Variants in PTPRD observed in about 807,000 individuals in gnomAD.
The protein encoded by PTPRD is protein tyrosine phosphatase receptor type D.
PTPRD carries 34 observed loss-of-function variants against 214.5 expected under a neutral mutation model. The observed-to-expected ratio is 0.16, with a 90% CI of 0.12 to 0.21. PTPRD has a LOEUF of 0.21. Ranked by LOEUF, PTPRD falls within the 10% of genes least tolerant of loss-of-function variation. The pLI is 1.00. For synonymous variants in PTPRD, 1,128 were observed against 845.7 expected (o/e 1.33, Z -5.79); for missense variants, 2,545 against 2,398.7 (o/e 1.06, Z -1.27).
intron 2 of PTPRD, among the ~76,000 whole-genome samples, chr9:10,507,313 G>T (rs989391563): frequency 7.9e-5 from 12 of 151,998 alleles, no homozygotes; most frequent in Non-Finnish European, 1.3e-4. Flanking sequence ...CAAAACAAAT[G>T]GAAGAACATT....
chr9:8,322,745 A>T (rs1829685641), intron 44 of PTPRD, among the ~76,000 whole-genome samples: 2 of 152,156 alleles, frequency 1.3e-5, no homozygotes, highest in South Asian at 4.1e-4. Context: ...TAAAAAAGAG[A>T]TCTTCAATGT....
intron 26 of PTPRD, 128 bp from the exon 27 acceptor site, chr9:8,493,107 A>T: frequency 1.4e-6 from 1 of 726,748 alleles, no homozygotes; most frequent in South Asian, 1.8e-5. Flanking sequence ...AGCCCTGGAA[A>T]TTTCATGCCT....
At chr9:8,688,190 C>A (rs981574251) in intron 12 of PTPRD, among the ~76,000 whole-genome samples, 4 of 152,050 alleles carry the variant, frequency 2.6e-5, no homozygotes, top group African/African-American at 9.7e-5. Flanking sequence ...CCTTCTTATC[C>A]TTCTCATTTC....
chr9:9,748,017 C>T (rs2098475775), intron 6 of PTPRD, among the ~76,000 whole-genome samples: 1 of 152,078 alleles, frequency 6.6e-6, no homozygotes, highest in Admixed American at 6.6e-5. Flanking sequence ...ACGTGGAGAT[C>T]ACAGCTCTTG....
At chr9:10,423,753 C>T (rs924390543) in intron 2 of PTPRD, among the ~76,000 whole-genome samples, 1 of 151,926 alleles carries the variant, frequency 6.6e-6, no homozygotes, top group African/African-American at 2.4e-5. Context: ...TAAGTTTACT[C>T]ATACCGGAAA....
intron 2 of PTPRD, among the ~76,000 whole-genome samples, chr9:10,575,113 G>T (rs114259718): frequency 0.015 from 2,256 of 151,880 alleles, 56 homozygotes; most frequent in African/African-American, 0.051. Flanking sequence ...GAAATCACTG[G>T]CTATTTTCAC....
At chr9:9,096,437 A>C (rs1464788094) in intron 10 of PTPRD, among the ~76,000 whole-genome samples, 1 of 152,198 alleles carries the variant, frequency 6.6e-6, no homozygotes, top group Non-Finnish European at 1.5e-5. Flanking sequence ...AAACTCCAGC[A>C]CTGAAAATTA....
chr9:8,752,631 A>ACAC (rs1565797492), intron 11 of PTPRD, among the ~76,000 whole-genome samples: 1 of 152,096 alleles, frequency 6.6e-6, no homozygotes, highest in African/African-American at 2.4e-5. Flanking sequence ...CTTTCCTGTA[A>ACAC]CACCACCACC....
At chr9:10,503,204 AAAAC>A (rs797010074) in intron 2 of PTPRD, among the ~76,000 whole-genome samples, 10 of 133,800 alleles carry the variant, frequency 7.5e-5, no homozygotes, top group African/African-American at 3.0e-4. Flanking sequence ...AAAAAAAAAA[AAAAC>A]AAAAAAAAAC....
chr9:10,430,745 CA>C (rs2098669580), intron 2 of PTPRD, among the ~76,000 whole-genome samples: 1 of 151,604 alleles, frequency 6.6e-6, no homozygotes, highest in Non-Finnish European at 1.5e-5. Flanking sequence ...GGCAAAAGGT[CA>C]AAAAAGATTG....
At chr9:8,510,248 A>G (rs1318331322) in intron 21 of PTPRD, among the ~76,000 whole-genome samples, 1 of 152,130 alleles carries the variant, frequency 6.6e-6, no homozygotes, top group Non-Finnish European at 1.5e-5. Context: ...ACGATGACTG[A>G]GCCACTGCAC....
At chr9:9,894,179 T>C (rs568039402) in intron 5 of PTPRD, among the ~76,000 whole-genome samples, 35 of 152,174 alleles carry the variant, frequency 2.3e-4, no homozygotes, top group African/African-American at 8.4e-4. Flanking sequence ...CTATCATTTC[T>C]CCCCTAAACT....
intron 10 of PTPRD, among the ~76,000 whole-genome samples, chr9:9,107,499 GA>G (rs1443229264): frequency 1.3e-5 from 2 of 152,088 alleles, no homozygotes; most frequent in Non-Finnish European, 2.9e-5. Flanking sequence ...TTACCACTTG[GA>G]ACCTACTAGT....
At chr9:10,482,284 T>G (rs943475859) in intron 2 of PTPRD, among the ~76,000 whole-genome samples, 4 of 152,010 alleles carry the variant, frequency 2.6e-5, no homozygotes, top group South Asian at 2.1e-4. Flanking sequence ...GGCAGGAGAA[T>G]GGCATGAACC....
intron 9 of PTPRD, among the ~76,000 whole-genome samples, chr9:9,285,734 A>C (rs752808212): frequency 6.6e-5 from 10 of 151,572 alleles, no homozygotes; most frequent in Non-Finnish European, 1.2e-4. Flanking sequence ...AGTACTACTA[A>C]ATGTGTTTCT....
chr9:9,832,983 T>C (rs1229784113), intron 5 of PTPRD, among the ~76,000 whole-genome samples: 1 of 151,928 alleles, frequency 6.6e-6, no homozygotes, highest in African/African-American at 2.4e-5. Context: ...GGGAAAATAA[T>C]TCCAGGCCTG....
intron 5 of PTPRD, among the ~76,000 whole-genome samples, chr9:9,827,644 A>G (rs1306848742): frequency 1.3e-5 from 2 of 152,210 alleles, no homozygotes; most frequent in African/African-American, 4.8e-5. Context: ...AACAAAAGCC[A>G]AAACTGATAA....
chr9:8,675,607 TC>T (rs1231464987), intron 12 of PTPRD, among the ~76,000 whole-genome samples: 1 of 134,618 alleles, frequency 7.4e-6, no homozygotes, highest in African/African-American at 2.8e-5. Context: ...ACTCAATACC[TC>T]AAGTTCCTAT....
At chr9:8,383,742 TA>T in intron 37 of PTPRD, among the ~76,000 whole-genome samples, 1 of 152,290 alleles carries the variant, frequency 6.6e-6, no homozygotes, top group East Asian at 1.9e-4. Flanking sequence ...CTCCAACATT[TA>T]TAACGCTAAG....
Sources: gnomAD v4.1 joint callset for allele counts (sites outside exome capture counted in the v4.1 genomes callset) on GRCh38, gnomAD v4.1.1 for gene constraint, MANE v1.5 for transcripts, NCBI Gene and HGNC (gene_info 2026-07-23, HGNC 2026-07-21) for gene names.